FAM120A: variants seen among roughly 807,000 people sequenced by gnomAD.
FAM120A encodes constitutive coactivator of PPAR-gamma-like protein 1.
In FAM120A, 15 loss-of-function variants were observed where a neutral mutation model predicts 109.7. The observed-to-expected ratio is 0.14, with a 90% CI of 0.09 to 0.21. The LOEUF (loss-of-function observed/expected upper bound fraction) is 0.21. Among genes scored for constraint, FAM120A ranks in the 10% least tolerant of loss-of-function variants. The pLI, the probability that FAM120A is intolerant of heterozygous loss-of-function variation, is 1.00. For synonymous variants in FAM120A, 493 were observed against 572.8 expected (o/e 0.86, Z 1.99); for missense variants, 899 against 1,439.3 (o/e 0.62, Z 6.07).
rs538255550 is a variant in FAM120A, at chr9:93,562,439, A to G, written c.3045+135A>G. 62 of 648,668 alleles carry G rather than the reference A, an allele frequency of 9.6e-5. 1 individual carries two copies. Among genetic ancestry groups the G allele is most frequent in the Admixed American group, 1.0e-4 (4 of 39,688 alleles). 40.2% of individuals were successfully genotyped at this position (648,668 alleles called of 1,614,324 possible). A position where few individuals can be genotyped will look rare whatever the true frequency, so the allele number is the denominator to read the frequency against. On this transcript the variant is annotated intron_variant, in intron 17 of 17. Coordinates refer to ENST00000277165, the MANE Select transcript of FAM120A (RefSeq NM_014612.5). ...GCTTTAGCTGTCAAGTGTCTAACACAGTAACTGGCACACAGCTGCTCACCA... is the reference window on the plus strand; with the variant it reads ...GCTTTAGCTGTCAAGTGTCTAACACGGTAACTGGCACACAGCTGCTCACCA...
chr9:93,531,796 C>T lies in FAM120A; in HGVS notation c.1735-359C>T, dbSNP rs567628666. 5.2e-4 allele frequency among the ~76,000 whole-genome samples: 79 copies of T among 152,300 alleles called. 1 individual carries two copies. In the South Asian group the frequency reaches 0.014, roughly 27 times the overall value. ...TCAATTATATTGCATGTGACCATCC[C>T]AACTCTCTAAATAAAAGTTGCGAGT... On this transcript the variant is annotated intron_variant, in intron 9 of 17. Transcript: ENST00000277165.
intron 7 of FAM120A, among the ~76,000 whole-genome samples, chr9:93,526,299 A>G (rs1861079497): frequency 1.3e-5 from 2 of 152,212 alleles, no homozygotes; most frequent in Non-Finnish European, 2.9e-5. Flanking sequence ...CCTGAGGACT[A>G]TGGTAAACCC....
chr9:93,484,871 G>A (rs1023968929), intron 3 of FAM120A, among the ~76,000 whole-genome samples: 14 of 152,276 alleles, frequency 9.2e-5, no homozygotes, highest in African/African-American at 3.1e-4. Flanking sequence ...CACTGCGCCC[G>A]GCCTGCTGAC....
rs1398879759 is a variant in FAM120A, at chr9:93,451,860, C to G, written c.-56C>G. The G allele has an allele frequency of 2.4e-5, 25 of 1,021,122 alleles. No homozygotes were observed. The highest frequency in any genetic ancestry group is 2.9e-5 in the Non-Finnish European group (25 of 851,068). 63.3% of individuals were successfully genotyped at this position (1,021,122 alleles called of 1,614,324 possible). A position where few individuals can be genotyped will look rare whatever the true frequency, so the allele number is the denominator to read the frequency against. ...GCCCGCCCGCGCGCCACGGCCCCAC[C>G]ACCCCCGGCCCCGCCGCCCCCCGCC... is the stretch of plus-strand genomic sequence containing the variant. On this transcript the variant is annotated 5_prime_UTR_variant, in exon 1 of 18. Transcript: ENST00000277165.
intron 3 of FAM120A, among the ~76,000 whole-genome samples, chr9:93,479,748 A>G (rs1219460408): frequency 6.6e-6 from 1 of 152,206 alleles, no homozygotes; most frequent in East Asian, 1.9e-4. Context: ...TCATCTTTTA[A>G]ACATGTGTCT....
intron 11 of FAM120A, among the ~76,000 whole-genome samples, chr9:93,550,044 C>G (rs976575819): frequency 1.3e-5 from 2 of 152,188 alleles, no homozygotes; most frequent in Non-Finnish European, 2.9e-5. Flanking sequence ...TAGTGATGGT[C>G]CTACGCATTG....
chr9:93,462,260 A>G (rs1030682821), intron 1 of FAM120A, among the ~76,000 whole-genome samples: 1 of 152,170 alleles, frequency 6.6e-6, no homozygotes, highest in Admixed American at 6.5e-5. Context: ...ACCATTTTTA[A>G]ATGTACAGTT....
chr9:93,454,073 G>T (rs552608523), intron 1 of FAM120A, among the ~76,000 whole-genome samples: 1 of 152,140 alleles, frequency 6.6e-6, no homozygotes, highest in Non-Finnish European at 1.5e-5. Context: ...GCACCCCTTT[G>T]AATGCCTCGC....
At chr9:93,476,672 A>G (rs540693505) in intron 3 of FAM120A, among the ~76,000 whole-genome samples, 6 of 152,322 alleles carry the variant, frequency 3.9e-5, no homozygotes, top group Admixed American at 2.0e-4. Context: ...GTCTTTAGGT[A>G]GTATAGTTAC....
chr9:93,484,500 G>C (rs915448446), intron 3 of FAM120A, among the ~76,000 whole-genome samples: 1 of 152,160 alleles, frequency 6.6e-6, no homozygotes, highest in Non-Finnish European at 1.5e-5. Context: ...TGGCACTTAC[G>C]GTATCTCTGG....
chr9:93,523,559 C>T (rs565020674), intron 7 of FAM120A, among the ~76,000 whole-genome samples: 7 of 152,122 alleles, frequency 4.6e-5, no homozygotes, highest in South Asian at 2.1e-4. Context: ...TATATCATTA[C>T]GTTGTGTTCT....
chr9:93,505,124 A>C (rs1335786652), intron 5 of FAM120A, among the ~76,000 whole-genome samples: 2 of 135,682 alleles, frequency 1.5e-5, no homozygotes, highest in Non-Finnish European at 3.0e-5. Context: ...GCAGTGGCGC[A>C]ATCTCGGCTC....
chr9:93,460,886 A>T (rs1402214663), intron 1 of FAM120A, among the ~76,000 whole-genome samples: 1 of 152,230 alleles, frequency 6.6e-6, no homozygotes, highest in East Asian at 1.9e-4. Flanking sequence ...CAGAGCTTTT[A>T]TCTTTGAGTA....
intron 1 of FAM120A, among the ~76,000 whole-genome samples, chr9:93,455,572 A>T (rs1420725712): frequency 6.6e-6 from 1 of 152,218 alleles, no homozygotes; most frequent in Non-Finnish European, 1.5e-5. Context: ...AGTAAATGAG[A>T]CATTTATAAA....
chr9:93,519,657 T>G (rs958322706), intron 7 of FAM120A, among the ~76,000 whole-genome samples: 1 of 151,986 alleles, frequency 6.6e-6, no homozygotes, highest in African/African-American at 2.4e-5. Context: ...AGACCTAACT[T>G]CTCCTGTCTT....
intron 12 of FAM120A, among the ~76,000 whole-genome samples, chr9:93,554,499 C>T (rs1287318459): frequency 6.6e-6 from 1 of 152,020 alleles, no homozygotes; most frequent in African/African-American, 2.4e-5. Context: ...ATGGTGAAAA[C>T]CTGACTCTAC....
At chr9:93,506,423 A>T (rs984309211) in intron 5 of FAM120A, among the ~76,000 whole-genome samples, 1 of 152,096 alleles carries the variant, frequency 6.6e-6, no homozygotes, top group Non-Finnish European at 1.5e-5. Context: ...TGTGTGTCTT[A>T]TATTTTCAAA....
At chr9:93,552,870 CTG>C (rs1436813634) in intron 12 of FAM120A, among the ~76,000 whole-genome samples, 6 of 152,280 alleles carry the variant, frequency 3.9e-5, no homozygotes, top group Non-Finnish European at 5.9e-5. Context: ...TGCCCAGACC[CTG>C]TTTCTCTTCT....
At position 93,564,990 on chromosome 9, in the gene FAM120A, G is replaced by A. The variant is rs143819340; in HGVS notation, c.*450G>A. 4.5e-3 allele frequency: 681 copies of A among 152,660 alleles called. 10 individuals are homozygous for A. Among genetic ancestry groups the A allele is most frequent in the East Asian group, 2.9e-3 (15 of 5,188 alleles). The allele number at this position is 152,660 out of a possible 1,614,324, so 9.5% of individuals were successfully genotyped here. Reference sequence around the variant, plus strand: ...ACAATGAAGCTTTCTTTAAGGCTTTGATTTTTATGATTATGAAAGAAATAA... The same window carrying A: ...ACAATGAAGCTTTCTTTAAGGCTTTAATTTTTATGATTATGAAAGAAATAA... On this transcript the variant is annotated 3_prime_UTR_variant, in exon 18 of 18. Transcript: ENST00000277165.
Sources: gnomAD v4.1 joint callset for allele counts (sites outside exome capture counted in the v4.1 genomes callset) on GRCh38, gnomAD v4.1.1 for gene constraint, MANE v1.5 for transcripts, NCBI Gene and HGNC (gene_info 2026-07-23, HGNC 2026-07-21) for gene names.